Variants in ARHGAP35 observed in about 807,000 individuals in gnomAD.
ARHGAP35 encodes the protein Rho GTPase activating protein 35, also known as rho GTPase-activating protein 35.
A neutral mutation model predicts 111.1 loss-of-function variants in ARHGAP35; 15 were observed. The observed-to-expected ratio is 0.13, with a 90% CI of 0.09 to 0.21. ARHGAP35 has a LOEUF of 0.21. Among genes scored for constraint, ARHGAP35 ranks in the 10% least tolerant of loss-of-function variants. The probability of loss-of-function intolerance (pLI) is 1.00; values close to 1 mark genes in which losing one functional copy is unlikely to be tolerated. For missense variants in ARHGAP35, 1,262 were observed against 1,873.0 expected (o/e 0.67, Z 6.02); for synonymous variants, 643 against 710.3 (o/e 0.91, Z 1.51).
At chr19:46,990,706 T>C (rs1172929818) in intron 5 of ARHGAP35, among the ~76,000 whole-genome samples, 1 of 152,210 alleles carries the variant, frequency 6.6e-6, no homozygotes, top group African/African-American at 2.4e-5. Flanking sequence ...CCTGATGGTG[T>C]AGGCAGAAAT....
intron 1 of ARHGAP35, among the ~76,000 whole-genome samples, chr19:46,863,249 A>G (rs1286051175): frequency 6.6e-6 from 1 of 152,048 alleles, no homozygotes; most frequent in African/African-American, 2.4e-5. Flanking sequence ...TAGGCTCTCC[A>G]GGCTCTGAGA....
At position 47,000,788 on chromosome 19, in the gene ARHGAP35, C is replaced by A; in HGVS notation, c.*100C>A. ...AGTCCACTGGGGACAGAGGCAGGGG[C>A]AAGTGGCTCTCCCCATTACCTTCTC... On this transcript the variant is annotated 3_prime_UTR_variant, in exon 7 of 7. Coordinates refer to ENST00000672722, the MANE Select transcript of ARHGAP35 (RefSeq NM_004491.5). This position sits in a 1 kb window ranked among gnomAD's most constrained non-coding sequence, Gnocchi z 6.9. 1.3e-6 allele frequency: 2 copies of A among 1,541,538 alleles called. No homozygotes were observed. The highest frequency in any genetic ancestry group is 1.7e-6 in the Non-Finnish European group (2 of 1,142,938).
intron 3 of ARHGAP35, among the ~76,000 whole-genome samples, chr19:46,941,409 T>C (rs2056346305): frequency 6.6e-6 from 1 of 151,886 alleles, no homozygotes; most frequent in Non-Finnish European, 1.5e-5. Flanking sequence ...CATTAATTGA[T>C]TATTGTAAAT....
At chr19:46,915,522 T>A (rs1212439451) in intron 1 of ARHGAP35, among the ~76,000 whole-genome samples, 1 of 152,190 alleles carries the variant, frequency 6.6e-6, no homozygotes, top group Non-Finnish European at 1.5e-5. Flanking sequence ...CACTCTCCCA[T>A]TCATTGCTCC....
chr19:46,920,959 A>G lies in ARHGAP35; in HGVS notation c.2284A>G (p.Lys762Glu). ...SQVLKGLLDS[K>E]RNLNLVSSTA... is the part of the protein sequence containing the mutation. ...AGTTTTGAAGGGACTCCTGGACTCT[A>G]AGCGTAACTTAAACCTGGTCAGTTC... Residue 762 changes from lysine (K) to glutamate (E), a missense_variant, in exon 2 of 7, where the codon AAG (lysine) becomes GAG (glutamate). Coordinates refer to ENST00000672722, the MANE Select transcript of ARHGAP35 (RefSeq NM_004491.5). This position sits in a 1 kb window ranked among gnomAD's most constrained non-coding sequence, Gnocchi z 7.0. The G allele has an allele frequency of 6.2e-7, 1 of 1,613,998 alleles. No homozygotes were observed. Among genetic ancestry groups the G allele is most frequent in the Non-Finnish European group, 8.5e-7 (1 of 1,179,874 alleles).
chr19:46,921,886 G>A lies in ARHGAP35; in HGVS notation c.3211G>A (p.Val1071Met), dbSNP rs1345479536. 1 of 1,613,988 alleles carries A rather than the reference G, an allele frequency of 6.2e-7. No homozygotes were observed. Among genetic ancestry groups the A allele is most frequent in the South Asian group, 1.1e-5 (1 of 91,078 alleles). ...CCATAGGGATGGACAGAGGAAGTCTGTGTCTTCTAGCCCCTGGCTGCCTCA... is the reference window on the plus strand; with the variant it reads ...CCATAGGGATGGACAGAGGAAGTCTATGTCTTCTAGCCCCTGGCTGCCTCA... ...QGHRDGQRKSVSSSPWLPQDG... is the reference protein window; with the variant it reads ...QGHRDGQRKSMSSSPWLPQDG... The change falls in exon 2 of 7, where the codon GTG (valine) becomes ATG (methionine). Residue 1071 changes from valine to methionine, a missense_variant. Coordinates refer to ENST00000672722, the MANE Select transcript of ARHGAP35 (RefSeq NM_004491.5). The surrounding 1 kb of genome is among the most constrained non-coding windows in gnomAD (Gnocchi z 4.3).
intron 3 of ARHGAP35, among the ~76,000 whole-genome samples, chr19:46,962,602 C>A (rs899116187): frequency 6.6e-6 from 1 of 152,158 alleles, no homozygotes; most frequent in Non-Finnish European, 1.5e-5. Context: ...TGGCCAACCT[C>A]TCATTCTTTT....
chr19:46,876,376 A>AT (rs538198355), intron 1 of ARHGAP35, among the ~76,000 whole-genome samples: 11 of 147,910 alleles, frequency 7.4e-5, no homozygotes, highest in African/African-American at 1.0e-4. Flanking sequence ...TTTTTTTTAA[A>AT]TTTTTTTTTT....
rs140366685 is a variant in ARHGAP35, at chr19:46,903,950, G to C, written c.-188-14538G>C. Among the ~76,000 whole-genome samples, 614 of 151,920 alleles carry C rather than the reference G, an allele frequency of 4.0e-3. 3 individuals are homozygous for C. The highest frequency in any genetic ancestry group is 0.014 in the African/African-American group (572 of 41,416). On this transcript the variant is annotated intron_variant, in intron 1 of 6. Transcript: ENST00000672722. ...TCTTGAAGTGTTGAGTGGTGGCTAG[G>C]TGCCATATAGAACATACAAGCAGAA...
At chr19:46,978,904 T>A (rs1599861478) in intron 3 of ARHGAP35, among the ~76,000 whole-genome samples, 1 of 90,578 alleles carries the variant, frequency 1.1e-5, no homozygotes, top group Non-Finnish European at 2.2e-5. Flanking sequence ...GGGGTGTGTG[T>A]GGTGGGGTGT....
chr19:46,984,583 C>T (rs954629233), intron 3 of ARHGAP35, among the ~76,000 whole-genome samples: 1 of 152,178 alleles, frequency 6.6e-6, no homozygotes, highest in Admixed American at 6.5e-5. Flanking sequence ...TTGCACTAGC[C>T]AAGCAAATGC....
intron 1 of ARHGAP35, among the ~76,000 whole-genome samples, chr19:46,894,446 T>G (rs948766871): frequency 1.2e-4 from 3 of 24,004 alleles, no homozygotes; most frequent in Non-Finnish European, 2.2e-4. Context: ...TGTTTTTTGG[T>G]TTTTTTTTTT....
Position 46,993,379 on chromosome 19 carries a change from C to T in ARHGAP35, c.4036+3704C>T, listed in dbSNP as rs1384634637. Reference sequence around the variant, plus strand: ...AGGCACCGAGCTGGCAGCAGCAGACCCAGGCCTAGAGCTTGGTTGGCAGCC... The same window carrying T: ...AGGCACCGAGCTGGCAGCAGCAGACTCAGGCCTAGAGCTTGGTTGGCAGCC... On this transcript the variant is annotated intron_variant, in intron 5 of 6. Coordinates refer to ENST00000672722, the MANE Select transcript of ARHGAP35 (RefSeq NM_004491.5). The surrounding 1 kb of genome is among the most constrained non-coding windows in gnomAD (Gnocchi z 4.6). Among the ~76,000 whole-genome samples the T allele has an allele frequency of 6.6e-6, 1 of 152,196 alleles. No individual in the cohort carries two copies. The highest frequency in any genetic ancestry group is 2.4e-5 in the African/African-American group (1 of 41,454).
At position 46,999,408 on chromosome 19, in the gene ARHGAP35, A is replaced by C; in HGVS notation, c.4141A>C (p.Lys1381Gln). ...VFKYVISHLNKVSHNNKVNLM... is the reference protein window; with the variant it reads ...VFKYVISHLNQVSHNNKVNLM... ...CAAGTATGTCATCTCTCACCTAAAC[A>C]AGTAAGTCGCAGGGCCTTCTGGTTG... is the stretch of plus-strand genomic sequence containing the variant. Residue 1381 changes from lysine (K) to glutamine (Q), a missense_variant and splice_region_variant, in exon 6 of 7, where the codon AAG becomes CAG. By Grantham distance (53) the Lys-to-Gln change is moderately conservative. This residue lies in a region of ARHGAP35 where 50 missense variants were observed against 60.5 expected (regional missense o/e 0.83). Coordinates refer to ENST00000672722, the MANE Select transcript of ARHGAP35 (RefSeq NM_004491.5). This position sits in a 1 kb window ranked among gnomAD's most constrained non-coding sequence, Gnocchi z 5.4. 6.4e-7 allele frequency: 1 copy of C among 1,571,624 alleles called. No individual in the cohort carries two copies. The highest frequency in any genetic ancestry group is 8.6e-7 in the Non-Finnish European group (1 of 1,156,584).
At position 46,919,553 on chromosome 19, in the gene ARHGAP35, T is replaced by C; in HGVS notation, c.878T>C (p.Leu293Pro). ...GTGAAAAACCACAATGAGAACTGGCTGAGTGTCAGCCGAAAGATGCAGGCC... is the reference window on the plus strand; with the variant it reads ...GTGAAAAACCACAATGAGAACTGGCCGAGTGTCAGCCGAAAGATGCAGGCC... ...RIVKNHNENW[L>P]SVSRKMQASP... Residue 293 changes from leucine to proline, a missense_variant, in exon 2 of 7, where the codon CTG becomes CCG. Physicochemically the swap from Leu to Pro is moderately conservative, Grantham distance 98. Around this residue, in one of 8 missense-constraint regions of ARHGAP35, gnomAD observed 328 missense variants for 440.8 expected, o/e 0.74. Coordinates refer to ENST00000672722, the MANE Select transcript of ARHGAP35 (RefSeq NM_004491.5). This position sits in a 1 kb window ranked among gnomAD's most constrained non-coding sequence, Gnocchi z 6.2. The C allele has an allele frequency of 1.2e-6, 2 of 1,613,972 alleles. No individual in the cohort carries two copies. The highest frequency in any genetic ancestry group is 2.7e-5 in the African/African-American group (2 of 75,034).
rs771005979 is a variant in ARHGAP35, at chr19:46,918,936, G to A, written c.261G>A (p.Val87=). The A allele has an allele frequency of 2.9e-5, 46 of 1,613,872 alleles. No individual in the cohort carries two copies. Among genetic ancestry groups the A allele is most frequent in the Non-Finnish European group, 3.8e-5 (45 of 1,179,900 alleles). ...GEVSRSLEDC[V]ECKMHIVEQT... The stretch of plus-strand genomic sequence containing the variant: ...TTAGCCGCTCCCTGGAGGATTGTGT[G>A]GAATGTAAGATGCACATTGTGGAGC... The change falls in exon 2 of 7, where the codon GTG becomes GTA. Residue 87 remains valine (V), a synonymous_variant. Transcript: ENST00000672722. The surrounding 1 kb of genome is among the most constrained non-coding windows in gnomAD (Gnocchi z 5.4).
At chr19:46,914,807 C>G (rs140436515) in intron 1 of ARHGAP35, among the ~76,000 whole-genome samples, 1 of 152,114 alleles carries the variant, frequency 6.6e-6, no homozygotes, top group East Asian at 1.9e-4. Flanking sequence ...GTGTTTTGTT[C>G]TGTTTTTCCT....
intron 1 of ARHGAP35, among the ~76,000 whole-genome samples, chr19:46,890,039 G>C (rs2056016497): frequency 6.6e-6 from 1 of 152,174 alleles, no homozygotes; most frequent in Admixed American, 6.6e-5. Flanking sequence ...TCTGCAGAGA[G>C]AGAATTTGTA....
At chr19:46,956,710 T>C (rs1300787810) in intron 3 of ARHGAP35, among the ~76,000 whole-genome samples, 4 of 152,184 alleles carry the variant, frequency 2.6e-5, no homozygotes, top group Non-Finnish European at 4.4e-5. Flanking sequence ...AGCAGCCACA[T>C]GGAGTCAGTC....
Sources: gnomAD v4.1 joint callset for allele counts (sites outside exome capture counted in the v4.1 genomes callset) on GRCh38, gnomAD v4.1.1 for gene constraint, gnomAD v4.1.1 regional missense constraint, Gnocchi (gnomAD v3.1) non-coding constraint, MANE v1.5 for transcripts, NCBI Gene and HGNC (gene_info 2026-07-23, HGNC 2026-07-21) for gene names.